The following CYFIP2 variants were observed in gnomAD, a reference collection of about 807,000 sequenced individuals.
The protein encoded by CYFIP2 is cytoplasmic FMR1 interacting protein 2, also known as cytoplasmic FMR1-interacting protein 2.
CYFIP2 carries 29 observed loss-of-function variants against 158.7 expected under a neutral mutation model. The ratio of observed to expected loss-of-function variants is 0.18; its 90% confidence interval spans 0.14 to 0.25. The LOEUF is 0.25. Ranked by LOEUF, CYFIP2 falls within the 10% of genes least tolerant of loss-of-function variation. CYFIP2 has a pLI of 1.00. For missense variants in CYFIP2, 852 were observed against 1,639.5 expected (o/e 0.52, Z 8.29); for synonymous variants, 585 against 617.6 (o/e 0.95, Z 0.78).
intron 22 of CYFIP2, among the ~76,000 whole-genome samples, chr5:157,340,110 G>A (rs761278493): frequency 6.6e-5 from 10 of 152,326 alleles, no homozygotes; most frequent in African/African-American, 1.9e-4. Context: ...AGGTGCACAC[G>A]GCCCGGGGCC....
intron 1 of CYFIP2, among the ~76,000 whole-genome samples, chr5:157,279,629 G>A (rs1412860238): frequency 1.3e-5 from 2 of 152,160 alleles, no homozygotes; most frequent in Non-Finnish European, 2.9e-5. Context: ...GTGAAACCAG[G>A]CCACCGACTG....
intron 10 of CYFIP2, 148 bp downstream of exon 10, chr5:157,309,982 G>T (rs574540099): frequency 1.6e-5 from 12 of 748,394 alleles, no homozygotes; most frequent in African/African-American, 3.5e-5. Flanking sequence ...GAGGGGAGCC[G>T]CGAGGGTGCT....
At chr5:157,320,002 C>G in intron 14 of CYFIP2, 74 bp downstream of exon 14, 1 of 1,555,152 alleles carries the variant, frequency 6.4e-7, no homozygotes, top group East Asian at 2.3e-5. Context: ...GATGTCCTGG[C>G]TCAGCCACTG....
chr5:157,351,606 G>A (rs1385524738), intron 23 of CYFIP2, among the ~76,000 whole-genome samples: 1 of 148,472 alleles, frequency 6.7e-6, no homozygotes, highest in East Asian at 1.9e-4. Flanking sequence ...CGGCTTGGCT[G>A]CTCTCACAAA....
chr5:157,296,871 A>G, intron 5 of CYFIP2, 97 bp downstream of exon 5: 1 of 952,186 alleles, frequency 1.1e-6, no homozygotes, highest in Admixed American at 2.5e-5. Flanking sequence ...TTATTTATTC[A>G]CTAAGCAAAT....
chr5:157,342,568 C>A, intron 23 of CYFIP2: 1 of 305,784 alleles, frequency 3.3e-6, no homozygotes, highest in Non-Finnish European at 6.1e-6. Flanking sequence ...TTGCTTTCTA[C>A]TTTATAACAT....
chr5:157,368,909 T>G lies in CYFIP2; in HGVS notation c.3039+7311T>G, dbSNP rs1252245350. On this transcript the variant is annotated intron_variant, in intron 26 of 30. Transcript: ENST00000620254. The stretch of plus-strand genomic sequence containing the variant: ...GAGGTTTTTTGTTTTTTTGTTTTTT[T>G]TTTTTTTGAGACAGAGTCTCACTCT... Among the ~76,000 whole-genome samples the G allele has an allele frequency of 3.3e-5, 5 of 151,380 alleles. No homozygotes were observed. The East Asian group carries it at 5.8e-4, about 18-fold the overall frequency.
chr5:157,370,778 G>A (rs373112360), intron 26 of CYFIP2, among the ~76,000 whole-genome samples: 4 of 152,168 alleles, frequency 2.6e-5, no homozygotes, highest in East Asian at 1.9e-4. Flanking sequence ...CAGTTTCCTG[G>A]CTATAGATCT....
At chr5:157,286,730 T>C (rs1461533309) in intron 2 of CYFIP2, among the ~76,000 whole-genome samples, 1 of 152,158 alleles carries the variant, frequency 6.6e-6, no homozygotes, top group Non-Finnish European at 1.5e-5. Context: ...ACATCTTAAC[T>C]TTTAGCAGCT....
At chr5:157,320,879 A>G (rs1019928132) in intron 15 of CYFIP2, 77 bp downstream of exon 15, 39 of 1,439,840 alleles carry the variant, frequency 2.7e-5, no homozygotes, top group Non-Finnish European at 3.5e-5. Flanking sequence ...ATGGCTGGCC[A>G]TGGGCAGTGG....
rs1767492358 is a variant in CYFIP2, at chr5:157,393,229, A to C, written c.*229A>C. 9.3e-6 allele frequency: 4 copies of C among 431,396 alleles called. No individual in the cohort carries two copies. Among genetic ancestry groups the C allele is most frequent in the East Asian group, 3.8e-5 (1 of 26,490 alleles). The allele number at this position is 431,396 out of a possible 1,614,324, so 26.7% of individuals were successfully genotyped here. A position where few individuals can be genotyped will look rare whatever the true frequency, so the allele number is the denominator to read the frequency against. ...AATGAAAAAAAAAAAAAAAAAGTAA[A>C]CAGGGCAGTGTGTGCTTTTTCTTTT... On this transcript the variant is annotated 3_prime_UTR_variant, in exon 31 of 31. Transcript: ENST00000620254.
chr5:157,274,013 T>C (rs903834888), intron 1 of CYFIP2, among the ~76,000 whole-genome samples: 1 of 151,442 alleles, frequency 6.6e-6, no homozygotes, highest in African/African-American at 2.4e-5. Context: ...CAGGTGCCTG[T>C]AATTCCAGCT....
At chr5:157,314,143 G>A (rs1055805819) in intron 11 of CYFIP2, among the ~76,000 whole-genome samples, 4 of 152,132 alleles carry the variant, frequency 2.6e-5, no homozygotes, top group Admixed American at 6.5e-5. Context: ...TTACTATATC[G>A]TGTGCACTTC....
chr5:157,366,060 C>T (rs1485472868), intron 26 of CYFIP2, among the ~76,000 whole-genome samples: 1 of 152,080 alleles, frequency 6.6e-6, no homozygotes, highest in Middle Eastern at 3.2e-3. Flanking sequence ...TCAAATTGTA[C>T]CAATTTATAC....
chr5:157,336,113 C>G (rs746139580), intron 21 of CYFIP2, among the ~76,000 whole-genome samples: 2 of 152,090 alleles, frequency 1.3e-5, no homozygotes, highest in African/African-American at 4.8e-5. Context: ...TCTACCTCCT[C>G]CAAGAAACAA....
chr5:157,381,586 A>G (rs1279681844), intron 26 of CYFIP2, among the ~76,000 whole-genome samples: 4 of 151,094 alleles, frequency 2.6e-5, no homozygotes, highest in African/African-American at 9.7e-5. Context: ...TAAGAAACTG[A>G]GAATGACAGT....
At chr5:157,345,101 C>T (rs188038433) in intron 23 of CYFIP2, among the ~76,000 whole-genome samples, 30 of 152,258 alleles carry the variant, frequency 2.0e-4, no homozygotes, top group African/African-American at 7.2e-4. Context: ...TGAAGGAGAC[C>T]GAATGTTTAT....
At chr5:157,350,378 G>T (rs1326796356) in intron 23 of CYFIP2, among the ~76,000 whole-genome samples, 1 of 152,164 alleles carries the variant, frequency 6.6e-6, no homozygotes, top group Non-Finnish European at 1.5e-5. Flanking sequence ...GTTGAAAAGG[G>T]TGTCTGTCCT....
At chr5:157,366,772 GTCTAGTGTTTCC>G (rs1764413433) in intron 26 of CYFIP2, among the ~76,000 whole-genome samples, 1 of 152,186 alleles carries the variant, frequency 6.6e-6, no homozygotes, top group Non-Finnish European at 1.5e-5. Flanking sequence ...TTCTATTAAT[GTCTAGTGTTTCC>G]TCTAGTATTT....
Sources: gnomAD v4.1 joint callset for allele counts (sites outside exome capture counted in the v4.1 genomes callset) on GRCh38, gnomAD v4.1.1 for gene constraint, MANE v1.5 for transcripts, NCBI Gene and HGNC (gene_info 2026-07-23, HGNC 2026-07-21) for gene names.